The following PTK2B variants were observed in gnomAD, a reference collection of about 807,000 sequenced individuals.
PTK2B encodes the protein protein-tyrosine kinase 2-beta.
A neutral mutation model predicts 142.9 loss-of-function variants in PTK2B; 71 were observed. The ratio of observed to expected loss-of-function variants is 0.50; its 90% confidence interval spans 0.41 to 0.61. The LOEUF is 0.61. Among genes scored for constraint, PTK2B ranks in the 20% least tolerant of loss-of-function variants. PTK2B has a pLI of 0.00. For missense variants in PTK2B, 1,105 were observed against 1,320.4 expected, an observed-to-expected ratio of 0.84 and a Z score of 2.53; for synonymous variants, 519 against 503.4, an observed-to-expected ratio of 1.03 and a Z score of -0.42.
At chr8:27,346,375 A>C (rs867402833) in intron 1 of PTK2B, among the ~76,000 whole-genome samples, 2 of 151,948 alleles carry the variant, frequency 1.3e-5, no homozygotes, top group Admixed American at 6.6e-5. Flanking sequence ...CCTCCACACA[A>C]AAAAAATACA....
chr8:27,405,066 CTCTT>C (rs1363771356), intron 2 of PTK2B, among the ~76,000 whole-genome samples: 3 of 150,156 alleles, frequency 2.0e-5, no homozygotes, highest in African/African-American at 7.5e-5. Context: ...CTCTCTCTCT[CTCTT>C]AGCCATGTGA....
intron 3 of PTK2B, among the ~76,000 whole-genome samples, chr8:27,316,852 T>C (rs1381761723): frequency 6.6e-6 from 1 of 152,250 alleles, no homozygotes; most frequent in African/African-American, 2.4e-5. Context: ...ACTGCAAACA[T>C]CTTTTATTTG....
rs1235987486 is a variant in PTK2B at position 27,458,492 on chromosome 8, C to A, written c.3013C>A (p.His1005Asn). The change falls in exon 31 of 31, where the codon CAC (histidine) becomes AAC (asparagine). Residue 1005 changes from histidine to asparagine, a missense_variant. By Grantham distance (68) the His-to-Asn change is moderately conservative. Transcript: ENST00000346049. The stretch of plus-strand genomic sequence containing the variant: ...GGCCAAGGTTCTGGCCAATCTGGCC[C>A]ACCCACCTGCAGAGTGACGGAGGGT... ...DQAKVLANLAHPPAE is the reference protein window; with the variant it reads ...DQAKVLANLANPPAE The A allele has an allele frequency of 5.7e-6, 9 of 1,577,486 alleles. No homozygotes were observed. Among genetic ancestry groups the A allele is most frequent in the Middle Eastern group, 1.9e-4 (1 of 5,162 alleles).
intron 9 of PTK2B, 97 bp from the exon 10 acceptor site, chr8:27,432,163 C>G: frequency 9.9e-7 from 1 of 1,012,854 alleles, no homozygotes; most frequent in Admixed American, 2.2e-5. Flanking sequence ...AGAGAAACTC[C>G]CAGTTCCTCC....
At chr8:27,405,654 G>A (rs1808666649) in intron 2 of PTK2B, among the ~76,000 whole-genome samples, 1 of 152,208 alleles carries the variant, frequency 6.6e-6, no homozygotes, top group Non-Finnish European at 1.5e-5. Context: ...ACCTACAGAG[G>A]CCAGCACAAG....
intron 22 of PTK2B, among the ~76,000 whole-genome samples, chr8:27,443,380 G>C (rs1426956212): frequency 6.6e-6 from 1 of 152,214 alleles, no homozygotes. Context: ...GCTGCCATTA[G>C]GTGGGTGGGT....
At chr8:27,372,505 A>G (rs979047570) in intron 1 of PTK2B, among the ~76,000 whole-genome samples, 2 of 152,180 alleles carry the variant, frequency 1.3e-5, no homozygotes, top group Non-Finnish European at 1.5e-5. Context: ...AACTGATTGT[A>G]TGAGGCCCAT....
chr8:27,358,294 T>G (rs78977664), intron 1 of PTK2B, among the ~76,000 whole-genome samples: 3 of 152,164 alleles, frequency 2.0e-5, no homozygotes, highest in Non-Finnish European at 4.4e-5. Flanking sequence ...AATGAAACCA[T>G]GAAGAAGAAA....
intron 1 of PTK2B, among the ~76,000 whole-genome samples, chr8:27,330,238 A>T (rs1293562205): frequency 6.6e-6 from 1 of 152,184 alleles, no homozygotes; most frequent in African/African-American, 2.4e-5. Context: ...TAGGCAGATG[A>T]TATGCATCCA....
rs1433431234 is a variant in PTK2B at position 27,405,077 on chromosome 8, GT to G, written c.204+7290del. Among the ~76,000 whole-genome samples, 10 of 83,882 alleles carry G rather than the reference GT, an allele frequency of 1.2e-4. No homozygotes were observed. In the East Asian group the frequency reaches 2.6e-3, roughly 22 times the overall value. The allele number at this position is 83,882 out of a possible 152,430, so 55.0% of individuals were successfully genotyped here. A position where few individuals can be genotyped will look rare whatever the true frequency, so the allele number is the denominator to read the frequency against. On this transcript the variant is annotated intron_variant, in intron 2 of 30. Coordinates refer to ENST00000346049, the MANE Select transcript of PTK2B (RefSeq NM_173176.3). ...CTCTCTCTCTCTCTCTCTTAGCCAT[GT>G]GAGGACAGAAGGAGAAGGTGTACTT...
At chr8:27,440,863 C>T (rs74792979) in intron 21 of PTK2B, among the ~76,000 whole-genome samples, 7,620 of 152,202 alleles carry the variant, frequency 0.05, 609 homozygotes, top group African/African-American at 0.17. Flanking sequence ...GACTATGACC[C>T]AGGGGCCACC....
In PTK2B at chr8:27,450,844, G is replaced by A; in HGVS notation, c.2436G>A (p.Gln812=). Residue 812 remains glutamine, a synonymous_variant, in exon 25 of 31, where the codon CAG becomes CAA. Coordinates refer to ENST00000346049, the MANE Select transcript of PTK2B (RefSeq NM_173176.3). ...TGCGGCAAATCCTGGACAAACAGCA[G>A]AAGCAGATGGTGGAGGACTACCAGT... The part of the protein sequence containing the change: ...VKMRQILDKQ[Q]KQMVEDYQWL... 1 of 1,614,238 alleles carries A rather than the reference G, an allele frequency of 6.2e-7. No homozygotes were observed. The highest frequency in any genetic ancestry group is 2.2e-5 in the East Asian group (1 of 44,886).
intron 1 of PTK2B, among the ~76,000 whole-genome samples, chr8:27,339,942 C>T (rs979091532): frequency 4.6e-5 from 7 of 152,332 alleles, no homozygotes; most frequent in South Asian, 2.1e-4. Flanking sequence ...CTGTGCCTGT[C>T]GGTCAGGACG....
intron 17 of PTK2B, 119 bp from the exon 18 acceptor site, chr8:27,437,646 A>G (rs1810870083): frequency 1.6e-6 from 2 of 1,240,648 alleles, no homozygotes; most frequent in South Asian, 2.8e-5. Flanking sequence ...ACATTTTGCC[A>G]GCTTTGGGTT....
chr8:27,333,878 C>T (rs1454828940), intron 1 of PTK2B, among the ~76,000 whole-genome samples: 1 of 149,038 alleles, frequency 6.7e-6, no homozygotes, highest in Non-Finnish European at 1.5e-5. Flanking sequence ...GCCCTCACTT[C>T]TAAGAGTCTG....
At chr8:27,348,919 C>A (rs1200411832) in intron 1 of PTK2B, among the ~76,000 whole-genome samples, 1 of 152,102 alleles carries the variant, frequency 6.6e-6, no homozygotes, top group East Asian at 1.9e-4. Context: ...TTCTTCTATG[C>A]CCTGGCACTG....
At chr8:27,321,513 T>C (rs111612853), upstream of PTK2B, among the ~76,000 whole-genome samples, 15 of 152,310 alleles carry the variant, frequency 9.8e-5, no homozygotes, top group East Asian at 2.7e-3. Flanking sequence ...GTAAGCATGG[T>C]GGCTGGACGG....
At chr8:27,448,102 C>G (rs115927227) in intron 24 of PTK2B, among the ~76,000 whole-genome samples, 2 of 152,222 alleles carry the variant, frequency 1.3e-5, no homozygotes, top group East Asian at 1.9e-4. Flanking sequence ...AAAAGTTGGG[C>G]CTTGAAAGAT....
chr8:27,357,322 C>A (rs558541040), intron 1 of PTK2B, among the ~76,000 whole-genome samples: 1 of 152,242 alleles, frequency 6.6e-6, no homozygotes, highest in Non-Finnish European at 1.5e-5. Context: ...CAAGAATTTT[C>A]TCACCACTTG....
Sources: gnomAD v4.1 joint callset for allele counts (sites outside exome capture counted in the v4.1 genomes callset) on GRCh38, gnomAD v4.1.1 for gene constraint, MANE v1.5 for transcripts, NCBI Gene and HGNC (gene_info 2026-07-23, HGNC 2026-07-21) for gene names.